Variants in RYR3 observed in about 807,000 individuals in gnomAD.
RYR3 encodes the protein brain ryanodine receptor-calcium release channel.
RYR3 carries 207 observed loss-of-function variants against 584.3 expected under a neutral mutation model. The observed-to-expected ratio is 0.35, with a 90% CI of 0.32 to 0.40. The LOEUF is 0.40. Among genes scored for constraint, RYR3 ranks in the 10% least tolerant of loss-of-function variants. The probability of loss-of-function intolerance (pLI) is 1.00; values close to 1 mark genes in which losing one functional copy is unlikely to be tolerated. For synonymous variants in RYR3, 2,416 were observed against 2,248.5 expected, an observed-to-expected ratio of 1.07 and a Z score of -2.11; for missense variants, 5,616 against 6,089.2, an observed-to-expected ratio of 0.92 and a Z score of 2.59.
intron 43 of RYR3, among the ~76,000 whole-genome samples, chr15:33,718,389 C>T (rs960243702): frequency 6.6e-6 from 1 of 152,100 alleles, no homozygotes; most frequent in African/African-American, 2.4e-5. Context: ...TTGTGATATG[C>T]CAGATGTTAG....
intron 52 of RYR3, among the ~76,000 whole-genome samples, chr15:33,744,131 A>T (rs1217514672): frequency 6.6e-6 from 1 of 152,126 alleles, no homozygotes; most frequent in Non-Finnish European, 1.5e-5. Context: ...CTGTACTCAC[A>T]CACATTCTCA....
chr15:33,726,581 C>G, intron 46 of RYR3, 75 bp downstream of exon 46: 1 of 1,449,450 alleles, frequency 6.9e-7, no homozygotes, highest in Non-Finnish European at 9.1e-7. Context: ...CTGTCCCCAG[C>G]ACAGTGGCCC....
At position 33,779,075 on chromosome 15, in the gene RYR3, A is replaced by G. The variant is rs2074213221; in HGVS notation, c.9138-1136A>G. Among the ~76,000 whole-genome samples, 6 of 151,982 alleles carry G rather than the reference A, an allele frequency of 3.9e-5. No individual in the cohort carries two copies. The South Asian group carries it at 1.2e-3, about 32-fold the overall frequency. On this transcript the variant is annotated intron_variant, in intron 64 of 103. Transcript: ENST00000634891. Reference sequence around the variant, plus strand: ...TGCACAGCTTTCTGCCAACTCACCCACCCTTCCCTCCTCCTTCTCTCTAGT... The same window carrying G: ...TGCACAGCTTTCTGCCAACTCACCCGCCCTTCCCTCCTCCTTCTCTCTAGT...
chr15:33,446,557 C>T (rs2046685521), intron 1 of RYR3, among the ~76,000 whole-genome samples: 1 of 152,140 alleles, frequency 6.6e-6, no homozygotes, highest in African/African-American at 2.4e-5. Flanking sequence ...TTCACATGGT[C>T]GGCCCTCTGT....
At chr15:33,595,119 A>G (rs949037298) in intron 16 of RYR3, among the ~76,000 whole-genome samples, 9 of 152,228 alleles carry the variant, frequency 5.9e-5, no homozygotes, top group African/African-American at 1.4e-4. Flanking sequence ...AAGTTTGTCA[A>G]ATATAAAAGG....
At chr15:33,582,605 G>C (rs1181120891) in intron 14 of RYR3, among the ~76,000 whole-genome samples, 1 of 152,330 alleles carries the variant, frequency 6.6e-6, no homozygotes, top group Non-Finnish European at 1.5e-5. Flanking sequence ...TTAAGGGTCA[G>C]TTATTATTAT....
intron 32 of RYR3, 139 bp from the exon 33 acceptor site, chr15:33,659,581 C>T (rs2063024694): frequency 1.5e-5 from 10 of 647,452 alleles, no homozygotes; most frequent in South Asian, 1.1e-4. Flanking sequence ...CTGGTCTCTG[C>T]GAATTTCTGA....
chr15:33,513,738 C>G (rs1431694214), intron 3 of RYR3, among the ~76,000 whole-genome samples: 1 of 152,132 alleles, frequency 6.6e-6, no homozygotes, highest in Non-Finnish European at 1.5e-5. Context: ...AGGGGGTGGA[C>G]ATTCTAGCCT....
intron 1 of RYR3, among the ~76,000 whole-genome samples, chr15:33,408,991 T>C (rs1376633226): frequency 6.6e-6 from 1 of 152,212 alleles, no homozygotes; most frequent in Non-Finnish European, 1.5e-5. Flanking sequence ...TCTCTGTGTA[T>C]GTGTATTCAG....
intron 48 of RYR3, among the ~76,000 whole-genome samples, chr15:33,731,972 G>C (rs929206736): frequency 6.6e-6 from 1 of 152,170 alleles, no homozygotes; most frequent in African/African-American, 2.4e-5. Flanking sequence ...GGCCTAAACT[G>C]TTCAGATTAA....
rs534048350 is a variant in RYR3 at position 33,336,405 on chromosome 15, G to A, written c.51+25309G>A. 4.9e-5 allele frequency among the ~76,000 whole-genome samples: 7 copies of A among 142,860 alleles called. 1 individual carries two copies. In the East Asian group the frequency reaches 6.2e-4, roughly 13 times the overall value. 93.7% of individuals were successfully genotyped at this position (142,860 alleles called of 152,430 possible). On this transcript the variant is annotated intron_variant, in intron 1 of 103. Coordinates refer to ENST00000634891, the MANE Select transcript of RYR3 (RefSeq NM_001036.6). ...GGTGCCACTGCACTCCAGCCTGGGC[G>A]ACAGAGCGAGACGAAAGAAAGAAAG...
chr15:33,863,654 G>A (rs75223501), intron 102 of RYR3, among the ~76,000 whole-genome samples: 4,946 of 152,104 alleles, frequency 0.033, 161 homozygotes, highest in Non-Finnish European at 0.039. Context: ...TATTTATGAT[G>A]AAAACAAAAC....
chr15:33,390,538 AG>A lies in RYR3; in HGVS notation c.51+79447del, dbSNP rs1383489518. On this transcript the variant is annotated intron_variant, in intron 1 of 103. Transcript: ENST00000634891. The surrounding 1 kb of genome is among the most constrained non-coding windows in gnomAD (Gnocchi z 4.2). ...CATTTGTTTTCACGACTTCTTCTTCAGGGGGTGATAGGTGTGGAGAGAAGAG... is the reference window on the plus strand; with the variant it reads ...CATTTGTTTTCACGACTTCTTCTTCAGGGGTGATAGGTGTGGAGAGAAGAG... 2.6e-5 allele frequency among the ~76,000 whole-genome samples: 4 copies of A among 152,136 alleles called. No individual in the cohort carries two copies. Among genetic ancestry groups the A allele is most frequent in the African/African-American group, 9.7e-5 (4 of 41,420 alleles).
chr15:33,468,241 A>G (rs2048646141), intron 1 of RYR3, among the ~76,000 whole-genome samples: 1 of 152,208 alleles, frequency 6.6e-6, no homozygotes, highest in Admixed American at 6.5e-5. Flanking sequence ...ATGCTATAAC[A>G]TGGTAGCACA....
chr15:33,454,485 C>T (rs2047383869), intron 1 of RYR3, among the ~76,000 whole-genome samples: 1 of 152,200 alleles, frequency 6.6e-6, no homozygotes, highest in Admixed American at 6.5e-5. Context: ...AGTCATTAAG[C>T]ATTTACCGAA....
chr15:33,826,621 T>C (rs2077390777), intron 83 of RYR3, 51 bp from the exon 84 acceptor site: 6 of 1,406,836 alleles, frequency 4.3e-6, no homozygotes, highest in Non-Finnish European at 6.1e-6. Flanking sequence ...TTAGAAAGTA[T>C]TCTCTGGTGA....
chr15:33,621,347 G>A (rs1318608831), intron 19 of RYR3, among the ~76,000 whole-genome samples: 1 of 152,178 alleles, frequency 6.6e-6, no homozygotes, highest in East Asian at 1.9e-4. Flanking sequence ...GAGAGAGGCA[G>A]AAAATTTCCC....
chr15:33,860,217 G>T (rs2080192487), intron 100 of RYR3, among the ~76,000 whole-genome samples: 1 of 152,218 alleles, frequency 6.6e-6, no homozygotes, highest in Non-Finnish European at 1.5e-5. Context: ...TGAGGGCTAA[G>T]AAGTGAAGTA....
In RYR3 at chr15:33,725,971, C is replaced by CG. The variant is rs1555427601; in HGVS notation, c.6913-415_6913-414insG. Among the ~76,000 whole-genome samples, 17 of 29,302 alleles carry CG rather than the reference C, an allele frequency of 5.8e-4. 2 individuals are homozygous for CG. The South Asian group carries it at 6.4e-3, about 11-fold the overall frequency. 19.2% of individuals were successfully genotyped at this position (29,302 alleles called of 152,430 possible). A position where few individuals can be genotyped will look rare whatever the true frequency, so the allele number is the denominator to read the frequency against. On this transcript the variant is annotated intron_variant, in intron 45 of 103. Coordinates refer to ENST00000634891, the MANE Select transcript of RYR3 (RefSeq NM_001036.6). ...GGTGACAGAGCAAGACTCCATCCCC[C>CG]CCCCCAAAAAAAAAAAAAAAAAAAA...
Sources: gnomAD v4.1 joint callset for allele counts (sites outside exome capture counted in the v4.1 genomes callset) on GRCh38, gnomAD v4.1.1 for gene constraint, Gnocchi (gnomAD v3.1) non-coding constraint, MANE v1.5 for transcripts, NCBI Gene and HGNC (gene_info 2026-07-23, HGNC 2026-07-21) for gene names.